PIAS2: variants seen among roughly 807,000 people sequenced by gnomAD.
The protein encoded by PIAS2 is protein inhibitor of activated STAT 2.
A neutral mutation model predicts 69.7 loss-of-function variants in PIAS2; 19 were observed. That is an observed-to-expected ratio of 0.27 (90% CI 0.19 to 0.40). PIAS2 has a LOEUF of 0.40. Among genes scored for constraint, PIAS2 ranks in the 10% least tolerant of loss-of-function variants. The pLI is 1.00. For missense variants in PIAS2, 624 were observed against 757.0 expected (o/e 0.82, Z 2.06); for synonymous variants, 261 against 263.2 (o/e 0.99, Z 0.08).
At chr18:46,894,996 C>T (rs935890417) in intron 1 of PIAS2, among the ~76,000 whole-genome samples, 2 of 151,594 alleles carry the variant, frequency 1.3e-5, no homozygotes, top group Admixed American at 6.6e-5. Flanking sequence ...TCGCTTGAAA[C>T]CGGGAGGCGG....
At chr18:46,855,760 C>T in intron 3 of PIAS2, 145 bp from the exon 4 acceptor site, 1 of 663,266 alleles carries the variant, frequency 1.5e-6, no homozygotes, top group East Asian at 2.7e-5. Flanking sequence ...TAATATAAGC[C>T]TTAATGAAAT....
At chr18:46,820,783 G>A (rs2042085668) in intron 12 of PIAS2, 150 bp downstream of exon 12, 7 of 583,004 alleles carry the variant, frequency 1.2e-5, no homozygotes, top group African/African-American at 1.9e-5. Context: ...TGGATGTGAT[G>A]TATAAAAACA....
chr18:46,916,303 T>A (rs1427913021), intron 1 of PIAS2, among the ~76,000 whole-genome samples: 2 of 152,024 alleles, frequency 1.3e-5, no homozygotes, highest in Non-Finnish European at 2.9e-5. Flanking sequence ...CGGATTCCTC[T>A]TCCTTATTTG....
chr18:46,838,467 C>CTCTA (rs1187320323), intron 8 of PIAS2, among the ~76,000 whole-genome samples: 2 of 152,160 alleles, frequency 1.3e-5, no homozygotes, highest in Non-Finnish European at 2.9e-5. Context: ...GCTATACTGC[C>CTCTA]TCTATCTAAG....
At chr18:46,918,692 G>A (rs1237120864), upstream of PIAS2, among the ~76,000 whole-genome samples, 1 of 152,144 alleles carries the variant, frequency 6.6e-6, no homozygotes, top group East Asian at 1.9e-4. Flanking sequence ...AAAGTACTGA[G>A]ATTACAGGCG....
At chr18:46,899,478 T>G (rs981503090) in intron 1 of PIAS2, among the ~76,000 whole-genome samples, 3 of 152,148 alleles carry the variant, frequency 2.0e-5, no homozygotes, top group Non-Finnish European at 4.4e-5. Flanking sequence ...AATGAGTTAT[T>G]TGTTGCTATT....
intron 2 of PIAS2, among the ~76,000 whole-genome samples, chr18:46,883,468 C>T (rs1038479987): frequency 2.6e-5 from 4 of 151,856 alleles, no homozygotes; most frequent in Admixed American, 6.6e-5. Flanking sequence ...TTTGGGGGGC[C>T]GGGGCAGAAG....
chr18:46,870,446 T>C (rs1238591912), intron 2 of PIAS2, among the ~76,000 whole-genome samples: 1 of 151,610 alleles, frequency 6.6e-6, no homozygotes, highest in African/African-American at 2.4e-5. Context: ...AAACCCCGTC[T>C]CTACTAAAAA....
intron 5 of PIAS2, among the ~76,000 whole-genome samples, chr18:46,848,961 T>C (rs2046570862): frequency 6.6e-6 from 1 of 152,076 alleles, no homozygotes; most frequent in South Asian, 2.1e-4. Flanking sequence ...ATCTAGGTAA[T>C]TTTGAACAAA....
Position 46,870,401 on chromosome 18 carries a change from G to A in PIAS2, c.500-6153C>T, listed in dbSNP as rs538293174. 5.1e-4 allele frequency among the ~76,000 whole-genome samples: 77 copies of A among 152,140 alleles called. 1 individual carries two copies. The Middle Eastern group carries it at 0.02, about 40-fold the overall frequency. ...GAGGCCGAGGCAGGTGGATCACAAC[G>A]TCAGGAGATTGAGACCATCCTGGCT... On this transcript the variant is annotated intron_variant, in intron 2 of 13. Transcript: ENST00000585916.
chr18:46,911,976 A>C (rs1201839011), intron 1 of PIAS2, among the ~76,000 whole-genome samples: 1 of 152,148 alleles, frequency 6.6e-6, no homozygotes, highest in African/African-American at 2.4e-5. Context: ...GCTTGAACCC[A>C]GGAGGCGGAG....
At position 46,890,652 on chromosome 18, in the gene PIAS2, G is replaced by A. The variant is rs1301947514; in HGVS notation, c.427C>T (p.His143Tyr). The change falls in exon 2 of 14, where the codon CAT becomes TAT. Residue 143 changes from histidine to tyrosine, a missense_variant. By Grantham distance (83) the His-to-Tyr change is moderately conservative. This residue lies in a region of PIAS2 where 339 missense variants were observed against 408.8 expected (regional missense o/e 0.83). Transcript: ENST00000585916. ...AGATTTTTTAACTGCACATCAGGAT[G>A]GACAGGAGGAATTGGGGGAGATGGC... ...QQPSPPIPPV[H>Y]PDVQLKNLPF... 1 of 1,614,164 alleles carries A rather than the reference G, an allele frequency of 6.2e-7. No homozygotes were observed. The highest frequency in any genetic ancestry group is 8.5e-7 in the Non-Finnish European group (1 of 1,180,004).
At chr18:46,890,375 T>C (rs2067664016) in intron 2 of PIAS2, among the ~76,000 whole-genome samples, 1 of 152,194 alleles carries the variant, frequency 6.6e-6, no homozygotes, top group Non-Finnish European at 1.5e-5. Context: ...ATAAAAGAAT[T>C]GGAGAAGAAG....
intron 1 of PIAS2, among the ~76,000 whole-genome samples, chr18:46,898,431 A>T (rs577201436): frequency 6.6e-6 from 1 of 152,344 alleles, no homozygotes; most frequent in South Asian, 2.1e-4. Flanking sequence ...GGCATGAGCC[A>T]CCATGCCCAG....
In PIAS2 at chr18:46,829,416, A is replaced by T. The variant is rs544124106; in HGVS notation, c.1336+318T>A. 2.1e-4 allele frequency among the ~76,000 whole-genome samples: 32 copies of T among 152,328 alleles called. No individual in the cohort carries two copies. In the South Asian group the frequency reaches 2.9e-3, roughly 14 times the overall value. On this transcript the variant is annotated intron_variant, in intron 10 of 13. Coordinates refer to ENST00000585916, the MANE Select transcript of PIAS2 (RefSeq NM_004671.5). ...GGGTTCCACCTACAGATACTCTAAG[A>T]ACAATTCTGAAAAACTGTCCATATA...
chr18:46,858,489 G>C (rs1010637983), intron 3 of PIAS2, among the ~76,000 whole-genome samples: 1 of 152,156 alleles, frequency 6.6e-6, no homozygotes, highest in South Asian at 2.1e-4. Context: ...GAGGTAGGTG[G>C]AGTTCAGGAC....
chr18:46,823,260 T>G (rs1287470370), intron 11 of PIAS2, among the ~76,000 whole-genome samples: 3 of 148,270 alleles, frequency 2.0e-5, no homozygotes, highest in Non-Finnish European at 3.0e-5. Flanking sequence ...ACCTATCGTG[T>G]TTTTTTTTTC....
At chr18:46,880,368 C>G (rs147933822) in intron 2 of PIAS2, among the ~76,000 whole-genome samples, 211 of 152,148 alleles carry the variant, frequency 1.4e-3, no homozygotes, top group Non-Finnish European at 1.7e-3. Context: ...GGGTGAGAGA[C>G]AGAGAGACCC....
At chr18:46,904,299 T>C (rs759585850) in intron 1 of PIAS2, 5 of 152,172 alleles carry the variant, frequency 3.3e-5, no homozygotes, top group Non-Finnish European at 7.3e-5. Flanking sequence ...AAAAGTTTAA[T>C]TAAAACTACA....
Sources: allele counts gnomAD v4.1 joint callset (sites outside exome capture counted in the v4.1 genomes callset), GRCh38; gene constraint gnomAD v4.1.1; regional missense constraint gnomAD v4.1.1; transcripts MANE v1.5; gene names NCBI Gene and HGNC (gene_info 2026-07-23, HGNC 2026-07-21).